Variants in ALK observed in about 807,000 individuals in gnomAD.
ALK encodes ALK tyrosine kinase receptor.
Under a neutral mutation model 163.1 loss-of-function variants are expected in ALK, and 74 were observed. That is an observed-to-expected ratio of 0.45 (90% CI 0.38 to 0.55). The LOEUF (loss-of-function observed/expected upper bound fraction) is 0.55, where lower values mean the gene tolerates loss of function less well. Ranked by LOEUF, ALK falls within the 20% of genes least tolerant of loss-of-function variation. The probability of loss-of-function intolerance (pLI) is 0.00; values close to 1 mark genes in which losing one functional copy is unlikely to be tolerated. For missense variants in ALK, 2,063 were observed against 2,105.3 expected (o/e 0.98, Z 0.39); for synonymous variants, 960 against 843.2 (o/e 1.14, Z -2.40).
chr2:29,772,218 G>A (rs1681048549), intron 1 of ALK, among the ~76,000 whole-genome samples: 1 of 152,094 alleles, frequency 6.6e-6, no homozygotes, highest in African/African-American at 2.4e-5. Flanking sequence ...TTGACACAGT[G>A]ATACAATCAG....
At chr2:29,909,605 T>C (rs140013852) in intron 1 of ALK, among the ~76,000 whole-genome samples, 1 of 151,894 alleles carries the variant, frequency 6.6e-6, no homozygotes, top group Non-Finnish European at 1.5e-5. Flanking sequence ...TCCACAAGAC[T>C]AAGCAAAGAG....
At chr2:29,848,426 T>C (rs1329119357) in intron 1 of ALK, among the ~76,000 whole-genome samples, 2 of 152,102 alleles carry the variant, frequency 1.3e-5, no homozygotes, top group East Asian at 3.9e-4. Flanking sequence ...AACATGTGTA[T>C]GCAGATATGT....
chr2:29,524,180 T>C (rs1360706592), intron 4 of ALK, among the ~76,000 whole-genome samples: 3 of 152,192 alleles, frequency 2.0e-5, no homozygotes, highest in Non-Finnish European at 4.4e-5. Flanking sequence ...CTTCAATTGA[T>C]ATGTTATCCA....
intron 26 of ALK, among the ~76,000 whole-genome samples, chr2:29,201,774 G>A (rs552242114): frequency 8.1e-6 from 1 of 123,540 alleles, no homozygotes; most frequent in Admixed American, 8.6e-5. Context: ...GCGACAGAAT[G>A]ACAGTCTAAA....
chr2:29,780,150 C>T (rs145867564), intron 1 of ALK, among the ~76,000 whole-genome samples: 1 of 152,322 alleles, frequency 6.6e-6, no homozygotes, highest in Admixed American at 6.5e-5. Flanking sequence ...CTACACACTG[C>T]ATTCATCTTG....
intron 26 of ALK, among the ~76,000 whole-genome samples, chr2:29,206,587 A>C (rs1669316101): frequency 6.6e-6 from 1 of 152,000 alleles, no homozygotes; most frequent in Non-Finnish European, 1.5e-5. Flanking sequence ...CCCTACTTTC[A>C]ATTTCTGGAC....
At chr2:29,577,235 C>T (rs1175010086) in intron 3 of ALK, among the ~76,000 whole-genome samples, 2 of 152,146 alleles carry the variant, frequency 1.3e-5, no homozygotes, top group African/African-American at 4.8e-5. Flanking sequence ...GGGTTCAGAT[C>T]TTTGGCCTGC....
chr2:29,378,534 G>C (rs1162033757), intron 5 of ALK, among the ~76,000 whole-genome samples: 8 of 152,128 alleles, frequency 5.3e-5, no homozygotes, highest in Non-Finnish European at 1.2e-4. Context: ...ATAATAATGG[G>C]AATAATAATG....
At chr2:29,844,672 T>C (rs1427414011) in intron 1 of ALK, among the ~76,000 whole-genome samples, 1 of 152,190 alleles carries the variant, frequency 6.6e-6, no homozygotes, top group Non-Finnish European at 1.5e-5. Context: ...GATTTCTTAC[T>C]ACGTCACTTC....
At chr2:29,672,134 G>C (rs1310018193) in intron 3 of ALK, among the ~76,000 whole-genome samples, 1 of 142,288 alleles carries the variant, frequency 7.0e-6, no homozygotes, top group Non-Finnish European at 1.5e-5. Flanking sequence ...CTGTTTCCCT[G>C]CATACCTTCT....
chr2:29,725,006 T>C (rs1047754101), intron 1 of ALK, among the ~76,000 whole-genome samples: 8 of 152,182 alleles, frequency 5.3e-5, no homozygotes, highest in African/African-American at 1.9e-4. Context: ...TGTATAACTT[T>C]TGTGTTCACT....
intron 1 of ALK, among the ~76,000 whole-genome samples, chr2:29,884,898 C>A (rs1009603179): frequency 3.3e-5 from 5 of 152,044 alleles, no homozygotes; most frequent in Non-Finnish European, 7.4e-5. Flanking sequence ...GAAATGGCCA[C>A]AAAGCACATT....
chr2:29,322,023 A>G (rs1307306720), intron 6 of ALK, among the ~76,000 whole-genome samples: 1 of 152,238 alleles, frequency 6.6e-6, no homozygotes, highest in Non-Finnish European at 1.5e-5. Context: ...TGGCTCCAGG[A>G]AAGGCACTCA....
intron 1 of ALK, among the ~76,000 whole-genome samples, chr2:29,748,016 G>T (rs754810172): frequency 3.9e-5 from 6 of 152,188 alleles, no homozygotes; most frequent in Admixed American, 6.5e-5. Context: ...TCTGAGCTAG[G>T]TATCATCTAA....
intron 3 of ALK, among the ~76,000 whole-genome samples, chr2:29,582,666 G>T (rs1674742095): frequency 6.6e-6 from 1 of 152,156 alleles, no homozygotes; most frequent in African/African-American, 2.4e-5. Context: ...CCAAAGCCTG[G>T]CATCAAGATT....
intron 4 of ALK, among the ~76,000 whole-genome samples, chr2:29,407,361 G>A (rs1362706885): frequency 6.6e-6 from 1 of 152,206 alleles, no homozygotes; most frequent in East Asian, 1.9e-4. Flanking sequence ...CTCTTATTAA[G>A]TGGCAGACAT....
chr2:29,485,384 T>A (rs1294860802), intron 4 of ALK, among the ~76,000 whole-genome samples: 3 of 152,236 alleles, frequency 2.0e-5, no homozygotes, highest in Non-Finnish European at 4.4e-5. Flanking sequence ...CTTTTGTGTT[T>A]CTAATATGTA....
At chr2:29,736,618 C>G (rs1350565012) in intron 1 of ALK, among the ~76,000 whole-genome samples, 1 of 152,000 alleles carries the variant, frequency 6.6e-6, no homozygotes, top group Non-Finnish European at 1.5e-5. Context: ...AAGGCTTATA[C>G]ACTCTTGAAT....
intron 9 of ALK, among the ~76,000 whole-genome samples, chr2:29,285,277 A>G (rs1665823223): frequency 6.6e-6 from 1 of 151,676 alleles, no homozygotes; most frequent in Non-Finnish European, 1.5e-5. Context: ...CTTTTTTGAG[A>G]CAGAGTCTAG....
Sources: allele counts gnomAD v4.1 joint callset (sites outside exome capture counted in the v4.1 genomes callset), GRCh38; gene constraint gnomAD v4.1.1; transcripts MANE v1.5; gene names NCBI Gene and HGNC (gene_info 2026-07-23, HGNC 2026-07-21).